The following RIT2 variants were observed in gnomAD, a reference collection of about 807,000 sequenced individuals.
RIT2 encodes the protein GTP-binding protein Rit2.
RIT2 carries 24 observed loss-of-function variants against 23.7 expected under a neutral mutation model. The observed-to-expected ratio is 1.01, with a 90% confidence interval of 0.73 to 1.43. The LOEUF (loss-of-function observed/expected upper bound fraction) is 1.43, where lower values mean the gene tolerates loss of function less well. Among genes scored for constraint, RIT2 ranks in the 40% most tolerant of loss-of-function variants. RIT2 has a pLI of 0.00. For missense variants in RIT2, 236 were observed against 266.9 expected (o/e 0.88, Z 0.81); for synonymous variants, 107 against 91.1 (o/e 1.17, Z -0.99).
chr18:43,095,024 G>A (rs1046920027), intron 1 of RIT2, among the ~76,000 whole-genome samples: 4 of 151,964 alleles, frequency 2.6e-5, no homozygotes, highest in African/African-American at 7.2e-5. Context: ...ATAAACATAC[G>A]TGTGCATGTG....
intron 2 of RIT2, among the ~76,000 whole-genome samples, chr18:42,986,144 A>G (rs1910704260): frequency 6.6e-6 from 1 of 151,218 alleles, no homozygotes; most frequent in Non-Finnish European, 1.5e-5. Flanking sequence ...GGTTCAAGCA[A>G]TTCTCCTGCC....
chr18:42,850,039 T>C (rs1192285166), intron 4 of RIT2, among the ~76,000 whole-genome samples: 3 of 151,610 alleles, frequency 2.0e-5, no homozygotes, highest in Admixed American at 1.3e-4. Flanking sequence ...TTAAATATAC[T>C]AGAAAGTATA....
chr18:42,804,924 C>G (rs919733001), intron 4 of RIT2, among the ~76,000 whole-genome samples: 2 of 152,170 alleles, frequency 1.3e-5, no homozygotes, highest in African/African-American at 4.8e-5. Context: ...GGAAAGGGAA[C>G]AAGGATTTTT....
intron 4 of RIT2, among the ~76,000 whole-genome samples, chr18:42,774,170 T>C (rs1445743260): frequency 6.6e-6 from 1 of 152,228 alleles, no homozygotes; most frequent in East Asian, 1.9e-4. Flanking sequence ...CAAAATGTTT[T>C]TTTTTCTCTT....
chr18:43,052,514 C>T (rs1379376682), intron 1 of RIT2, among the ~76,000 whole-genome samples: 1 of 152,046 alleles, frequency 6.6e-6, no homozygotes. Flanking sequence ...CTATTACATA[C>T]AGGATCAGTT....
At chr18:43,018,769 T>C (rs1371569502) in intron 2 of RIT2, among the ~76,000 whole-genome samples, 1 of 152,052 alleles carries the variant, frequency 6.6e-6, no homozygotes, top group African/African-American at 2.4e-5. Flanking sequence ...TGAAGAAATT[T>C]GTCACCACTA....
chr18:42,973,266 T>C (rs1014982151), intron 3 of RIT2, among the ~76,000 whole-genome samples: 2 of 151,814 alleles, frequency 1.3e-5, no homozygotes, highest in South Asian at 4.1e-4. Flanking sequence ...GATATTTTGA[T>C]ATGTGTACAT....
chr18:42,987,019 G>A (rs532490258), intron 2 of RIT2, among the ~76,000 whole-genome samples: 1 of 152,254 alleles, frequency 6.6e-6, no homozygotes, highest in African/African-American at 2.4e-5. Flanking sequence ...TGCAGATGGT[G>A]TGTAAAATGG....
At chr18:42,990,528 A>G (rs966217867) in intron 2 of RIT2, among the ~76,000 whole-genome samples, 3 of 152,230 alleles carry the variant, frequency 2.0e-5, no homozygotes, top group Admixed American at 1.3e-4. Flanking sequence ...GAACTTCTAC[A>G]AAACCTTGGG....
At chr18:43,042,527 A>G (rs767737398) in intron 1 of RIT2, among the ~76,000 whole-genome samples, 1 of 152,158 alleles carries the variant, frequency 6.6e-6, no homozygotes, top group Non-Finnish European at 1.5e-5. Context: ...GGCTTGCTCT[A>G]TATTTCTTTC....
chr18:42,920,005 A>G (rs1909013650), intron 4 of RIT2, among the ~76,000 whole-genome samples: 1 of 152,088 alleles, frequency 6.6e-6, no homozygotes, highest in African/African-American at 2.4e-5. Flanking sequence ...CTGTTATAAA[A>G]CACAACTTTC....
At chr18:42,865,912 C>A (rs1225748367) in intron 4 of RIT2, among the ~76,000 whole-genome samples, 4 of 152,148 alleles carry the variant, frequency 2.6e-5, no homozygotes, top group Admixed American at 2.6e-4. Context: ...CATCTTCTGC[C>A]TGGAATGTTC....
chr18:42,948,760 C>T (rs916944957), intron 3 of RIT2, among the ~76,000 whole-genome samples: 2 of 152,076 alleles, frequency 1.3e-5, no homozygotes, highest in Admixed American at 6.6e-5. Flanking sequence ...GCACTGCTCC[C>T]TCAGCTGGAG....
At chr18:42,979,580 T>C (rs1568045520) in intron 2 of RIT2, among the ~76,000 whole-genome samples, 1 of 152,170 alleles carries the variant, frequency 6.6e-6, no homozygotes, top group Non-Finnish European at 1.5e-5. Flanking sequence ...TCATCTCAAT[T>C]GTAGGTACAT....
chr18:43,011,558 C>G (rs1276431094), intron 2 of RIT2, among the ~76,000 whole-genome samples: 1 of 151,628 alleles, frequency 6.6e-6, no homozygotes, highest in Non-Finnish European at 1.5e-5. Flanking sequence ...TTATTAAATT[C>G]TTAAAATTAT....
intron 3 of RIT2, among the ~76,000 whole-genome samples, chr18:42,929,358 A>G (rs114412292): frequency 0.017 from 2,621 of 152,182 alleles, 100 homozygotes; most frequent in African/African-American, 0.06. Flanking sequence ...GTGGTTTTCA[A>G]TGTAAGCCTT....
intron 4 of RIT2, among the ~76,000 whole-genome samples, chr18:42,903,478 C>T (rs1470812826): frequency 6.6e-6 from 1 of 151,926 alleles, no homozygotes; most frequent in African/African-American, 2.4e-5. Context: ...TGTATAGATA[C>T]AGTATAAATG....
intron 1 of RIT2, among the ~76,000 whole-genome samples, chr18:43,037,203 A>C (rs1466433213): frequency 6.6e-6 from 1 of 152,234 alleles, no homozygotes. Context: ...ATAGGTAACG[A>C]TCAACATGTC....
chr18:42,765,644 C>G (rs1913403339), intron 4 of RIT2, among the ~76,000 whole-genome samples: 2 of 152,208 alleles, frequency 1.3e-5, no homozygotes, highest in Non-Finnish European at 2.9e-5. Context: ...TCAGTGACCT[C>G]TAGCCTTAGA....
Sources: allele counts gnomAD v4.1 joint callset (sites outside exome capture counted in the v4.1 genomes callset), GRCh38; gene constraint gnomAD v4.1.1; transcripts MANE v1.5; gene names NCBI Gene and HGNC (gene_info 2026-07-23, HGNC 2026-07-21).